Variants in MUC17 observed in about 807,000 individuals in gnomAD.
MUC17 encodes the protein mucin 17, cell surface associated, also known as mucin-17.
In MUC17, 190 loss-of-function variants were observed where a neutral mutation model predicts 170.3. That is an observed-to-expected ratio of 1.12 (90% confidence interval 0.99 to 1.26). MUC17 has a LOEUF of 1.26. Ranked by LOEUF, MUC17 falls within the 50% of genes most tolerant of loss-of-function variation. MUC17 has a pLI of 0.00. For synonymous variants in MUC17, 2,325 were observed against 2,002.5 expected, an observed-to-expected ratio of 1.16 and a Z score of -4.30; for missense variants, 6,415 against 5,530.0, an observed-to-expected ratio of 1.16 and a Z score of -5.08.
At position 101,032,326 on chromosome 7, in the gene MUC17, A is replaced by T; in HGVS notation, c.910A>T (p.Ile304Phe). 2 of 1,613,920 alleles carry T rather than the reference A, an allele frequency of 1.2e-6. No individual in the cohort carries two copies. Among genetic ancestry groups the T allele is most frequent in the Non-Finnish European group, 1.7e-6 (2 of 1,179,962 alleles). Residue 304 changes from isoleucine to phenylalanine, a missense_variant, in exon 3 of 13, where the codon ATT becomes TTT. Coordinates refer to ENST00000306151, the MANE Select transcript of MUC17 (RefSeq NM_001040105.2). The stretch of plus-strand genomic sequence containing the variant: ...TTCAACAACTCCTGCTGCCACCAAC[A>T]TTCCTGTGATCACTTCTACTGAAGC... ...TLSTTPAATN[I>F]PVITSTEASS... is the part of the protein sequence containing the mutation.
rs143165313 is a variant in MUC17 at position 101,038,480 on chromosome 7, C to A, written c.7064C>A (p.Thr2355Lys). The change falls in exon 3 of 13, where the codon ACA (threonine) becomes AAA (lysine). Residue 2355 changes from threonine to lysine, a missense_variant. Physicochemically the swap from Thr to Lys is moderately conservative, Grantham distance 78. Transcript: ENST00000306151. ...VSTTMVASFETSTLSTTPADT... is the reference protein window; with the variant it reads ...VSTTMVASFEKSTLSTTPADT... ...ACCACAATGGTGGCCAGTTTTGAAA[C>A]AAGCACACTTTCTACAACTCCTGCT... The A allele has an allele frequency of 1.2e-5, 19 of 1,604,224 alleles. No individual in the cohort carries two copies. The highest frequency in any genetic ancestry group is 1.7e-5 in the Admixed American group (1 of 59,452).
chr7:101,057,905 A>G, intron 12 of MUC17, 98 bp from the exon 13 acceptor site: 1 of 1,019,830 alleles, frequency 9.8e-7, no homozygotes, highest in Non-Finnish European at 1.4e-6. Flanking sequence ...AATAAAAATA[A>G]TTAAACAGAA....
chr7:101,029,907 G>GT (rs916295785), intron 1 of MUC17, among the ~76,000 whole-genome samples: 6 of 150,998 alleles, frequency 4.0e-5, no homozygotes, highest in Admixed American at 1.3e-4. Flanking sequence ...CCTCTTTTAG[G>GT]TTTTTTTTTA....
At chr7:101,048,270 C>T (rs751167996) in intron 4 of MUC17, 155 bp downstream of exon 4, 5 of 703,630 alleles carry the variant, frequency 7.1e-6, no homozygotes, top group Non-Finnish European at 1.0e-5. Flanking sequence ...TTGTTTCCAC[C>T]CAGTGCTATG....
intron 1 of MUC17, among the ~76,000 whole-genome samples, chr7:101,022,261 G>A (rs543112943): frequency 2.0e-5 from 3 of 151,326 alleles, no homozygotes; most frequent in African/African-American, 7.3e-5. Context: ...CCACCTCCCA[G>A]GTTCAAGCAA....
At position 101,033,536 on chromosome 7, in the gene MUC17, C is replaced by G. The variant is rs71557216; in HGVS notation, c.2120C>G (p.Thr707Ser). 1 of 1,614,102 alleles carries G rather than the reference C, an allele frequency of 6.2e-7. No individual in the cohort carries two copies. Among genetic ancestry groups the G allele is most frequent in the Non-Finnish European group, 8.5e-7 (1 of 1,180,014 alleles). Residue 707 changes from threonine (T) to serine (S), a missense_variant, in exon 3 of 13, where the codon ACC (threonine) becomes AGC (serine). By Grantham distance (58) the Thr-to-Ser change is moderately conservative. Coordinates refer to ENST00000306151, the MANE Select transcript of MUC17 (RefSeq NM_001040105.2). The stretch of plus-strand genomic sequence containing the variant: ...CTGGTGGCCAGTTCTGAGGCTAGCA[C>G]CCTTTCAACAACTCCTGTTGACACC... ...TTLVASSEAS[T>S]LSTTPVDTST...
chr7:101,026,524 A>C (rs768985444), intron 1 of MUC17, among the ~76,000 whole-genome samples: 1 of 152,218 alleles, frequency 6.6e-6, no homozygotes, highest in Non-Finnish European at 1.5e-5. Context: ...TTCTAGACGA[A>C]ACTGGTTACA....
At position 101,038,261 on chromosome 7, in the gene MUC17, C is replaced by G. The variant is rs572878505; in HGVS notation, c.6845C>G (p.Thr2282Arg). Residue 2282 changes from threonine to arginine, a missense_variant, in exon 3 of 13, where the codon ACA (threonine) becomes AGA (arginine). Thr to Arg is a moderately conservative substitution (Grantham distance 71, BLOSUM62 -1). Transcript: ENST00000306151. ...STLSEGTTPL[T>R]SIPVSHTLVA... ...CTTAGTGAAGGAACGACTCCATTAA[C>G]AAGTATACCTGTCAGCCACACGCTG... 3 of 1,613,954 alleles carry G rather than the reference C, an allele frequency of 1.9e-6. No homozygotes were observed. The highest frequency in any genetic ancestry group is 2.2e-5 in the East Asian group (1 of 44,852).
intron 4 of MUC17, among the ~76,000 whole-genome samples, chr7:101,048,432 A>T (rs6967520): frequency 0.16 from 23,133 of 141,880 alleles, 2,004 homozygotes; most frequent in Non-Finnish European, 0.21. Flanking sequence ...TTATTTATTT[A>T]AAAAAAAAAA....
intron 1 of MUC17, among the ~76,000 whole-genome samples, chr7:101,024,711 C>T (rs1278956069): frequency 6.6e-6 from 1 of 151,060 alleles, no homozygotes; most frequent in Non-Finnish European, 1.5e-5. Context: ...ATTTCACTCC[C>T]AAACCTCCTC....
At position 101,042,428 on chromosome 7, in the gene MUC17, A is replaced by G. The variant is rs200157674; in HGVS notation, c.11012A>G (p.Gln3671Arg). ...DTSTPVITST[Q>R]VSSSPVTPEG... ...AGCACACCTGTGATCACTTCTACCC[A>G]AGTCAGTTCATCTCCTGTGACTCCT... is the stretch of plus-strand genomic sequence containing the variant. The change falls in exon 3 of 13, where the codon CAA (glutamine) becomes CGA (arginine). Residue 3671 changes from glutamine to arginine, a missense_variant. Transcript: ENST00000306151. The G allele has an allele frequency of 4.5e-5, 73 of 1,613,830 alleles. No homozygotes were observed. The African/African-American group carries it at 7.5e-4, about 17-fold the overall frequency.
At position 101,040,496 on chromosome 7, in the gene MUC17, C is replaced by A. The variant is rs753156933; in HGVS notation, c.9080C>A (p.Ser3027Tyr). 6.2e-7 allele frequency: 1 copy of A among 1,611,956 alleles called. No homozygotes were observed. Among genetic ancestry groups the A allele is most frequent in the Non-Finnish European group, 8.5e-7 (1 of 1,179,142 alleles). Reference protein sequence around the residue: ...PVTTSTEASSSPTTAEGTGIP... With the variant: ...PVTTSTEASSYPTTAEGTGIP... The stretch of plus-strand genomic sequence containing the variant: ...ACCACTTCTACTGAAGCCAGTTCCT[C>A]TCCTACAACTGCTGAAGGTACCGGC... The change falls in exon 3 of 13, where the codon TCT becomes TAT. Residue 3027 changes from serine to tyrosine, a missense_variant. Transcript: ENST00000306151.
Position 101,035,021 on chromosome 7 carries a change from C to A in MUC17, c.3605C>A (p.Pro1202Gln). The change falls in exon 3 of 13, where the codon CCA becomes CAA. Residue 1202 changes from proline to glutamine, a missense_variant. Coordinates refer to ENST00000306151, the MANE Select transcript of MUC17 (RefSeq NM_001040105.2). ...ATSTEASSPP[P>Q]TAEVTSMPTS... ...TCTACTGAAGCCAGTTCACCTCCTCCAACTGCTGAAGTTACCAGCATGCCA... is the reference window on the plus strand; with the variant it reads ...TCTACTGAAGCCAGTTCACCTCCTCAAACTGCTGAAGTTACCAGCATGCCA... 6.2e-7 allele frequency: 1 copy of A among 1,614,162 alleles called. No individual in the cohort carries two copies. The highest frequency in any genetic ancestry group is 1.7e-4 in the Middle Eastern group (1 of 6,060).
chr7:101,056,014 C>T lies in MUC17; in HGVS notation c.13364-180C>T, dbSNP rs10234010. On this transcript the variant is annotated intron_variant, in intron 11 of 12. Transcript: ENST00000306151. ...TCAGAAAATTCATAGCCTTAATATGCCTGTATTAGGGAGCTGCTGAGTCAG... is the reference window on the plus strand; with the variant it reads ...TCAGAAAATTCATAGCCTTAATATGTCTGTATTAGGGAGCTGCTGAGTCAG... Among the ~76,000 whole-genome samples, 803 of 152,152 alleles carry T rather than the reference C, an allele frequency of 5.3e-3. 7 individuals carry two copies. The highest frequency in any genetic ancestry group is 0.018 in the African/African-American group (748 of 41,516).
At chr7:101,056,053 T>C in intron 11 of MUC17, 141 bp from the exon 12 acceptor site, 3 of 1,179,970 alleles carry the variant, frequency 2.5e-6, no homozygotes, top group South Asian at 1.5e-5. Flanking sequence ...ATGTTGACAG[T>C]TTGTCACATT....
Position 101,020,215 on chromosome 7 carries a change from AG to A in MUC17, c.82+1del. ...SLLPPQAAAEQDLSVNRAVWD... is the reference protein window; with the variant it reads ...SLLPPQAAAEXDLSVNRAVWD... The stretch of plus-strand genomic sequence containing the variant: ...TTGCCCCCACAAGCTGCTGCAGAAC[AG>A]GGTGAGTGACCCCCACGCCCCGCTG... On this transcript the variant is annotated frameshift_variant and splice_region_variant, in exon 1 of 13. Transcript: ENST00000306151. LOFTEE classifies it high-confidence loss of function. 6.2e-7 allele frequency: 1 copy of A among 1,607,942 alleles called. No individual in the cohort carries two copies. Among genetic ancestry groups the A allele is most frequent in the Non-Finnish European group, 8.5e-7 (1 of 1,177,358 alleles).
chr7:101,053,036 G>A lies in MUC17; in HGVS notation c.13154G>A (p.Gly4385Asp). 1.9e-6 allele frequency: 3 copies of A among 1,614,116 alleles called. No homozygotes were observed. The highest frequency in any genetic ancestry group is 2.5e-6 in the Non-Finnish European group (3 of 1,180,008). ...HWYSGETCNQ[G>D]TQKSLVYGLV... ...TACAGTGGGGAGACCTGTAACCAGGGCACCCAGAAGAGTCTGGTGTACGGC... is the reference window on the plus strand; with the variant it reads ...TACAGTGGGGAGACCTGTAACCAGGACACCCAGAAGAGTCTGGTGTACGGC... Residue 4385 changes from glycine to aspartate, a missense_variant, in exon 10 of 13, where the codon GGC becomes GAC. Coordinates refer to ENST00000306151, the MANE Select transcript of MUC17 (RefSeq NM_001040105.2).
rs1319730542 is a variant in MUC17 at position 101,039,545 on chromosome 7, G to A, written c.8129G>A (p.Ser2710Asn). The A allele has an allele frequency of 6.2e-7, 1 of 1,612,278 alleles. No individual in the cohort carries two copies. The highest frequency in any genetic ancestry group is 1.3e-5 in the African/African-American group (1 of 74,774). Residue 2710 changes from serine to asparagine, a missense_variant, in exon 3 of 13, where the codon AGC (serine) becomes AAC (asparagine). Physicochemically the swap from Ser to Asn is conservative, Grantham distance 46. Coordinates refer to ENST00000306151, the MANE Select transcript of MUC17 (RefSeq NM_001040105.2). ...ACGCTGTTGGCCAATTCTGAGGCTA[G>A]CACCCTTTCAACAACTCCTGTTGAC... ...STTLLANSEA[S>N]TLSTTPVDTS...
At position 101,039,766 on chromosome 7, in the gene MUC17, A is replaced by T. The variant is rs755567844; in HGVS notation, c.8350A>T (p.Thr2784Ser). ...TAVDTSIPVTTSTEASSSPTT... is the reference protein window; with the variant it reads ...TAVDTSIPVTSSTEASSSPTT... ...TGTTGACACCAGCATACCTGTCACC[A>T]CTTCTACTGAAGCCAGTTCCTCTCC... The change falls in exon 3 of 13, where the codon ACT becomes TCT. Residue 2784 changes from threonine (T) to serine (S), a missense_variant. Coordinates refer to ENST00000306151, the MANE Select transcript of MUC17 (RefSeq NM_001040105.2). The T allele has an allele frequency of 1.9e-6, 3 of 1,610,032 alleles. No individual in the cohort carries two copies. In the East Asian group the frequency reaches 6.7e-5, roughly 36 times the overall value.
Sources: allele counts gnomAD v4.1 joint callset (sites outside exome capture counted in the v4.1 genomes callset), GRCh38; gene constraint gnomAD v4.1.1; transcripts MANE v1.5; gene names NCBI Gene and HGNC (gene_info 2026-07-23, HGNC 2026-07-21).